GAS6: variants seen among roughly 807,000 people sequenced by gnomAD.
The protein encoded by GAS6 is growth arrest-specific protein 6.
Under a neutral mutation model 75.8 loss-of-function variants are expected in GAS6, and 41 were observed. That is an observed-to-expected ratio of 0.54 (90% CI 0.42 to 0.70). The LOEUF (loss-of-function observed/expected upper bound fraction) is 0.70. GAS6 is among the 30% of genes least tolerant of loss of function. GAS6 has a pLI of 0.00. For synonymous variants in GAS6, 432 were observed against 412.6 expected (o/e 1.05, Z -0.57); for missense variants, 854 against 940.2 (o/e 0.91, Z 1.20).
chr13:113,828,271 AT>A (rs59871024), intron 11 of GAS6, among the ~76,000 whole-genome samples: 13,173 of 151,938 alleles, frequency 0.087, 1,190 homozygotes, highest in African/African-American at 0.23. Flanking sequence ...CTCAAAAAAA[AT>A]AATAATAATT....
intron 4 of GAS6, chr13:113,841,461 CG>C (rs1641616544): frequency 6.7e-6 from 1 of 149,602 alleles, no homozygotes; most frequent in Non-Finnish European, 1.5e-5. Context: ...GCGTTTCCTC[CG>C]TATGCCCCAG....
rs201668401 is a variant in GAS6 at position 113,859,109 on chromosome 13, AGT to A, written c.255+4464_255+4465del. The stretch of plus-strand genomic sequence containing the variant: ...GCATGTATGTGTGTGCATGTCTGTC[AGT>A]GTGTGGCTGTGTGCTTACATATGTC... On this transcript the variant is annotated intron_variant, in intron 2 of 14. Transcript: ENST00000327773. Among the ~76,000 whole-genome samples, 269 of 129,918 alleles carry A rather than the reference AGT, an allele frequency of 2.1e-3. 10 individuals are homozygous for A. In the East Asian group the frequency reaches 0.057, roughly 27 times the overall value. 85.2% of individuals were successfully genotyped at this position (129,918 alleles called of 152,430 possible). A position where few individuals can be genotyped will look rare whatever the true frequency, so the allele number is the denominator to read the frequency against.
chr13:113,857,186 C>T lies in GAS6; in HGVS notation c.255+6389G>A, dbSNP rs1402839011. Among the ~76,000 whole-genome samples the T allele has an allele frequency of 2.6e-5, 4 of 152,124 alleles. No homozygotes were observed. The East Asian group carries it at 7.7e-4, about 29-fold the overall frequency. ...TTCACCTATAATTTGAAAACGGAGC[C>T]CCAGAAAATTAGTAGAACATTAACA... On this transcript the variant is annotated intron_variant, in intron 2 of 14. Coordinates refer to ENST00000327773, the MANE Select transcript of GAS6 (RefSeq NM_000820.4).
chr13:113,855,861 C>T (rs2051910334), intron 2 of GAS6, among the ~76,000 whole-genome samples: 1 of 152,220 alleles, frequency 6.6e-6, no homozygotes, highest in Non-Finnish European at 1.5e-5. Flanking sequence ...AGCTGGTCTT[C>T]GGCCAGACGA....
intron 12 of GAS6, among the ~76,000 whole-genome samples, 170 bp from the exon 13 acceptor site, chr13:113,823,720 G>A (rs936328364): frequency 4.6e-5 from 7 of 152,172 alleles, no homozygotes; most frequent in East Asian, 1.9e-4. Flanking sequence ...ATCTTGGCCC[G>A]GAGCCCAGAG....
chr13:113,860,702 G>C (rs1318220928), intron 2 of GAS6, among the ~76,000 whole-genome samples: 1 of 152,190 alleles, frequency 6.6e-6, no homozygotes, highest in Admixed American at 6.5e-5. Flanking sequence ...CTGGGCGGTG[G>C]AGAGCAAGGA....
chr13:113,832,491 G>A lies in GAS6; in HGVS notation c.954-3C>T. On this transcript the variant is annotated splice_polypyrimidine_tract_variant and splice_region_variant and intron_variant, in intron 9 of 14. Coordinates refer to ENST00000327773, the MANE Select transcript of GAS6 (RefSeq NM_000820.4). Reference sequence around the variant, plus strand: ...GGAAGTCAAACTCAGCTACCAGCCTGGGCACCCACAGGAGAAATGAGTCAG... The same window carrying A: ...GGAAGTCAAACTCAGCTACCAGCCTAGGCACCCACAGGAGAAATGAGTCAG... 6.3e-7 allele frequency: 1 copy of A among 1,596,658 alleles called. No homozygotes were observed. Among genetic ancestry groups the A allele is most frequent in the Middle Eastern group, 1.7e-4 (1 of 5,992 alleles).
chr13:113,821,911 C>A lies in GAS6; in HGVS notation c.1882+47G>T, dbSNP rs1197539560. ...TAGATCTGGGGTGACCAAGCTGGGCCTCCCTGGAGCTCTTCACCCGGGTTG... is the reference window on the plus strand; with the variant it reads ...TAGATCTGGGGTGACCAAGCTGGGCATCCCTGGAGCTCTTCACCCGGGTTG... On this transcript the variant is annotated intron_variant, in intron 14 of 14. Coordinates refer to ENST00000327773, the MANE Select transcript of GAS6 (RefSeq NM_000820.4). The A allele has an allele frequency of 4.9e-6, 7 of 1,436,184 alleles. No homozygotes were observed. In the Admixed American group the frequency reaches 1.6e-4, roughly 32 times the overall value. The allele number at this position is 1,436,184 out of a possible 1,614,324, so 89.0% of individuals were successfully genotyped here.
At position 113,837,205 on chromosome 13, in the gene GAS6, T is replaced by C. The variant is rs952998745; in HGVS notation, c.589+864A>G. ...GAATCACGTCATCTGCACACAGGGC[T>C]AACTCCTGGGTGGTCAGGGAAGGGA... is the stretch of plus-strand genomic sequence containing the variant. On this transcript the variant is annotated intron_variant, in intron 6 of 14. Transcript: ENST00000327773. This position sits in a 1 kb window ranked among gnomAD's most constrained non-coding sequence, Gnocchi z 5.1. Among the ~76,000 whole-genome samples, 2 of 151,976 alleles carry C rather than the reference T, an allele frequency of 1.3e-5. No individual in the cohort carries two copies. The highest frequency in any genetic ancestry group is 4.8e-5 in the African/African-American group (2 of 41,346).
At position 113,863,546 on chromosome 13, in the gene GAS6, C is replaced by T. The variant is rs541481996; in HGVS notation, c.255+29G>A. ...TGGAGGCGCGCGGGCGCCAGGGGTT[C>T]CCCCGCATCCCGCCCGCCGGCTGCT... On this transcript the variant is annotated intron_variant, in intron 2 of 14. Coordinates refer to ENST00000327773, the MANE Select transcript of GAS6 (RefSeq NM_000820.4). The surrounding 1 kb of genome is among the most constrained non-coding windows in gnomAD (Gnocchi z 9.4). 1.4e-4 allele frequency: 206 copies of T among 1,492,832 alleles called. No individual in the cohort carries two copies. In the African/African-American group the frequency reaches 2.2e-3, roughly 16 times the overall value. The allele number at this position is 1,492,832 out of a possible 1,614,324, so 92.5% of individuals were successfully genotyped here.
rs2051729555 is a variant in GAS6 at position 113,837,480 on chromosome 13, T to A, written c.589+589A>T. 6.6e-6 allele frequency among the ~76,000 whole-genome samples: 1 copy of A among 152,076 alleles called. No homozygotes were observed. Among genetic ancestry groups the A allele is most frequent in the Non-Finnish European group, 1.5e-5 (1 of 67,986 alleles). On this transcript the variant is annotated intron_variant, in intron 6 of 14. Coordinates refer to ENST00000327773, the MANE Select transcript of GAS6 (RefSeq NM_000820.4). The surrounding 1 kb of genome is among the most constrained non-coding windows in gnomAD (Gnocchi z 5.1). ...GGAGGGAGGAGGAAGGTGCTCCCCC[T>A]GCAAAGTGGCAAAGGGCCAGTGGCA... is the stretch of plus-strand genomic sequence containing the variant.
At chr13:113,831,055 C>G (rs1302299590) in intron 10 of GAS6, among the ~76,000 whole-genome samples, 1 of 152,274 alleles carries the variant, frequency 6.6e-6, no homozygotes, top group African/African-American at 2.4e-5. Context: ...TTCTTCCCAA[C>G]GTTTCCTTCT....
intron 7 of GAS6, among the ~76,000 whole-genome samples, chr13:113,835,238 TGC>T (rs1455713458): frequency 6.6e-6 from 1 of 152,208 alleles, no homozygotes; most frequent in Non-Finnish European, 1.5e-5. Flanking sequence ...GCCCCGTCTA[TGC>T]AGGTGGAGAA....
At chr13:113,862,612 A>G (rs1291465198) in intron 2 of GAS6, among the ~76,000 whole-genome samples, 1 of 152,198 alleles carries the variant, frequency 6.6e-6, no homozygotes, top group African/African-American at 2.4e-5. Flanking sequence ...AGCTATGTCC[A>G]CAAGTGCACA....
At chr13:113,826,320 G>A (rs1029135466) in intron 12 of GAS6, among the ~76,000 whole-genome samples, 7 of 152,204 alleles carry the variant, frequency 4.6e-5, no homozygotes, top group South Asian at 2.1e-4. Context: ...GCCCCTGGAC[G>A]AGTCCTAAGG....
In GAS6 at chr13:113,848,158, G is replaced by C; in HGVS notation, c.256-108C>G. On this transcript the variant is annotated intron_variant, in intron 2 of 14. Coordinates refer to ENST00000327773, the MANE Select transcript of GAS6 (RefSeq NM_000820.4). This position sits in a 1 kb window ranked among gnomAD's most constrained non-coding sequence, Gnocchi z 4.8. ...TCAGAGGCTGCTCTCGGGGCAGCCA[G>C]AGGGCCGCCCCACCCGGGGAACTGA... The C allele has an allele frequency of 8.4e-7, 1 of 1,192,574 alleles. No homozygotes were observed. The highest frequency in any genetic ancestry group is 1.2e-6 in the Non-Finnish European group (1 of 824,834). 73.9% of individuals were successfully genotyped at this position (1,192,574 alleles called of 1,614,324 possible). A position where few individuals can be genotyped will look rare whatever the true frequency, so the allele number is the denominator to read the frequency against.
intron 11 of GAS6, 37 bp downstream of exon 11, chr13:113,828,509 AC>A: frequency 6.3e-7 from 1 of 1,585,092 alleles, no homozygotes; most frequent in East Asian, 2.3e-5. Flanking sequence ...GGATCCCAGC[AC>A]ACGGCGCGTC....
intron 10 of GAS6, among the ~76,000 whole-genome samples, chr13:113,831,444 G>A (rs2051629234): frequency 2.0e-5 from 3 of 152,270 alleles, no homozygotes; most frequent in South Asian, 4.1e-4. Context: ...GGGCTGTGGT[G>A]CGGGTTCAGT....
In GAS6 at chr13:113,831,156, T is replaced by C. The variant is rs567760054; in HGVS notation, c.1143+1143A>G. Among the ~76,000 whole-genome samples the C allele has an allele frequency of 4.9e-4, 74 of 152,138 alleles. 1 individual carries two copies. The East Asian group carries it at 0.013, about 27-fold the overall frequency. On this transcript the variant is annotated intron_variant, in intron 10 of 14. Coordinates refer to ENST00000327773, the MANE Select transcript of GAS6 (RefSeq NM_000820.4). ...TCGCTCCACGGATGGGGATGTGGGGTGGGCACGTTTTACCGCTGCCCACAG... is the reference window on the plus strand; with the variant it reads ...TCGCTCCACGGATGGGGATGTGGGGCGGGCACGTTTTACCGCTGCCCACAG...
Sources: gnomAD v4.1 joint callset for allele counts (sites outside exome capture counted in the v4.1 genomes callset) on GRCh38, gnomAD v4.1.1 for gene constraint, Gnocchi (gnomAD v3.1) non-coding constraint, MANE v1.5 for transcripts, NCBI Gene and HGNC (gene_info 2026-07-23, HGNC 2026-07-21) for gene names.